The following DOK4 variants were observed in gnomAD, a reference collection of about 807,000 sequenced individuals.
DOK4 encodes docking protein 4.
A neutral mutation model predicts 40.1 loss-of-function variants in DOK4; 26 were observed. The observed-to-expected ratio is 0.65, with a 90% confidence interval of 0.48 to 0.90. The LOEUF (loss-of-function observed/expected upper bound fraction) is 0.90, where lower values mean the gene tolerates loss of function less well. Among genes scored for constraint, DOK4 ranks in the 40% least tolerant of loss-of-function variants. DOK4 has a pLI of 0.00. For missense variants in DOK4, 392 were observed against 437.2 expected (o/e 0.90, Z 0.92); for synonymous variants, 179 against 177.0 (o/e 1.01, Z -0.09).
rs739813 is a variant in DOK4 at position 57,479,164 on chromosome 16, C to T, written c.66+278G>A. On this transcript the variant is annotated intron_variant, in intron 2 of 8. Coordinates refer to ENST00000340099, the Ensembl canonical transcript of DOK4. The surrounding 1 kb of genome is among the most constrained non-coding windows in gnomAD (Gnocchi z 5.8). ...AACTTCAACAATAGCAGGGGAGCCG[C>T]CTGCCCATCGGTGGCCACCATTGCT... Among the ~76,000 whole-genome samples the T allele has an allele frequency of 0.18, 28,023 of 152,208 alleles. 4,972 individuals carry two copies. Among genetic ancestry groups the T allele is most frequent in the African/African-American group, 0.47 (19,295 of 41,470 alleles).
chr16:57,475,679 TC>T, intron 3 of DOK4, 59 bp from the exon 4 acceptor site: 1 of 862,814 alleles, frequency 1.2e-6, no homozygotes, highest in Non-Finnish European at 1.8e-6. Context: ...TCTCTCTCTC[TC>T]TCTCTCTCTC....
chr16:57,477,072 T>G (rs1321683711), intron 2 of DOK4, among the ~76,000 whole-genome samples: 1 of 152,178 alleles, frequency 6.6e-6, no homozygotes, highest in East Asian at 1.9e-4. Context: ...TTCCTCTTAC[T>G]GGAAACAGTA....
At chr16:57,476,966 T>C (rs1385177828) in intron 2 of DOK4, among the ~76,000 whole-genome samples, 1 of 152,216 alleles carries the variant, frequency 6.6e-6, no homozygotes, top group Non-Finnish European at 1.5e-5. Flanking sequence ...CTGCCTAGAC[T>C]TTTTTCTGCC....
In DOK4 at chr16:57,473,740, T is replaced by TG. The variant is rs748608464; in HGVS notation, c.739-5dup. 3 of 1,607,880 alleles carry TG rather than the reference T, an allele frequency of 1.9e-6. No homozygotes were observed. Among genetic ancestry groups the TG allele is most frequent in the South Asian group, 2.2e-5 (2 of 90,470 alleles). Reference sequence around the variant, plus strand: ...GTTCCGTGCCCTTGTTCAGCAGCTGTGGGGCAAAGGAAGGGGTCACTCCCA... The same window carrying TG: ...GTTCCGTGCCCTTGTTCAGCAGCTGTGGGGGCAAAGGAAGGGGTCACTCCCA... On this transcript the variant is annotated splice_polypyrimidine_tract_variant and splice_region_variant and intron_variant, in intron 7 of 8. Transcript: ENST00000340099.
At chr16:57,473,861 C>T in intron 7 of DOK4, 40 bp downstream of exon 7, 2 of 1,568,898 alleles carry the variant, frequency 1.3e-6, no homozygotes, top group Admixed American at 1.8e-5. Flanking sequence ...CGCCCGTTCC[C>T]CCCTCCCCCC....
rs1440237259 is a variant in DOK4 at position 57,485,740 on chromosome 16, G to A, written c.-182+565C>T. On this transcript the variant is annotated intron_variant, in intron 1 of 8. Coordinates refer to ENST00000340099, the Ensembl canonical transcript of DOK4. The surrounding 1 kb of genome is among the most constrained non-coding windows in gnomAD (Gnocchi z 4.3). ...GATCTAGGGCCTTGCGGGCCCTGGG[G>A]GAGAAGGTGGACAGGACCTTGGGGG... 1.3e-5 allele frequency among the ~76,000 whole-genome samples: 2 copies of A among 152,210 alleles called. No homozygotes were observed. The highest frequency in any genetic ancestry group is 1.3e-4 in the Admixed American group (2 of 15,284).
At chr16:57,473,278 G>A in exon 9 of DOK4, 2 of 1,473,494 alleles carry the variant, frequency 1.4e-6, no homozygotes, top group Non-Finnish European at 9.0e-7. Flanking sequence ...CTTTCTCCAG[G>A]CTCTTGGCCG....
intron 6 of DOK4, 127 bp downstream of exon 6, chr16:57,474,666 T>G: frequency 8.3e-7 from 1 of 1,203,056 alleles, no homozygotes. Context: ...ATGGGAACAT[T>G]ACATTCCCCC....
chr16:57,475,754 TTCTCCCCTCTCTCCCTC>T (rs1250439531), intron 3 of DOK4, 79 bp downstream of exon 3: 36 of 680,706 alleles, frequency 5.3e-5, no homozygotes, highest in Non-Finnish European at 7.0e-5. Flanking sequence ...CTCTCCCCCT[TTCTCCCCTCTCTCCCTC>T]TCTCCCCTCT....
rs1296802190 is a variant in DOK4, at chr16:57,485,885, C to G, written c.-182+420G>C. On this transcript the variant is annotated intron_variant, in intron 1 of 8. Coordinates refer to ENST00000340099, the Ensembl canonical transcript of DOK4. This position sits in a 1 kb window ranked among gnomAD's most constrained non-coding sequence, Gnocchi z 4.3. Reference sequence around the variant, plus strand: ...CCAGCTGGGGTACAGAAAATCATCTCTTGGAATTTGGAGGAGGTGAGCGAA... The same window carrying G: ...CCAGCTGGGGTACAGAAAATCATCTGTTGGAATTTGGAGGAGGTGAGCGAA... 5.9e-5 allele frequency among the ~76,000 whole-genome samples: 9 copies of G among 152,114 alleles called. No homozygotes were observed. Among genetic ancestry groups the G allele is most frequent in the African/African-American group, 2.2e-4 (9 of 41,418 alleles).
rs771067924 is a variant in DOK4, at chr16:57,474,985, G to C, written c.410-3C>G. 2 of 1,605,346 alleles carry C rather than the reference G, an allele frequency of 1.2e-6. No homozygotes were observed. Among genetic ancestry groups the C allele is most frequent in the South Asian group, 2.2e-5 (2 of 90,092 alleles). On this transcript the variant is annotated splice_polypyrimidine_tract_variant and splice_region_variant and intron_variant, in intron 5 of 8. Transcript: ENST00000340099. Reference sequence around the variant, plus strand: ...CAGCAGGAAGACATTGAAGCGATCTGGAGTGGGGGAGGGTGGACAAGTGGG... The same window carrying C: ...CAGCAGGAAGACATTGAAGCGATCTCGAGTGGGGGAGGGTGGACAAGTGGG...
chr16:57,483,883 A>C (rs2031478409), intron 1 of DOK4: 1 of 152,288 alleles, frequency 6.6e-6, no homozygotes, highest in Non-Finnish European at 1.5e-5. Context: ...CCAGTGAGGG[A>C]GGAGGGGAGC....
exon 3 of DOK4, chr16:57,475,951 G>A (rs769448574): frequency 3.1e-6 from 5 of 1,612,518 alleles, no homozygotes; most frequent in Non-Finnish European, 1.7e-6. Flanking sequence ...CAGCACCTCC[G>A]GTAGATCTGT....
rs761286475 is a variant in DOK4 at position 57,473,856 on chromosome 16, G to A, written c.738+45C>T. The A allele has an allele frequency of 1.7e-5, 27 of 1,569,110 alleles. No homozygotes were observed. In the East Asian group the frequency reaches 2.3e-4, roughly 13 times the overall value. The stretch of plus-strand genomic sequence containing the variant: ...GGCACTTGGCCCTGCCTGCCCGCCC[G>A]TTCCCCCCTCCCCCCGTACCCTGGA... On this transcript the variant is annotated intron_variant, in intron 7 of 8. Coordinates refer to ENST00000340099, the Ensembl canonical transcript of DOK4.
chr16:57,474,905 T>C, exon 6 of DOK4: 5 of 1,614,036 alleles, frequency 3.1e-6, no homozygotes, highest in Non-Finnish European at 4.2e-6. Flanking sequence ...AGGTAGATGT[T>C]CTCGTGGGTG....
exon 9 of DOK4, chr16:57,473,406 T>C (rs2030968354): frequency 6.2e-7 from 1 of 1,613,976 alleles, no homozygotes; most frequent in South Asian, 1.1e-5. Flanking sequence ...GCCTCACTGC[T>C]GTCCCCCTGG....
chr16:57,475,691 T>TCTCTCTCC (rs2031132283), intron 3 of DOK4, 71 bp from the exon 4 acceptor site: 1 of 830,594 alleles, frequency 1.2e-6, no homozygotes, highest in Non-Finnish European at 1.8e-6. Context: ...TCTCTCTCTC[T>TCTCTCTCC]CTCTCCCTCC....
At chr16:57,483,441 G>A (rs943241757) in intron 1 of DOK4, among the ~76,000 whole-genome samples, 4 of 151,942 alleles carry the variant, frequency 2.6e-5, no homozygotes, top group African/African-American at 4.8e-5. Flanking sequence ...GACCAGATCC[G>A]GCAACATAGA....
rs768122500 is a variant in DOK4 at position 57,475,833 on chromosome 16, GGCCCA to G, written c.174+12_174+16del. 2.1e-5 allele frequency: 34 copies of G among 1,605,142 alleles called. No individual in the cohort carries two copies. In the East Asian group the frequency reaches 7.7e-4, roughly 36 times the overall value. On this transcript the variant is annotated intron_variant, in intron 3 of 8. Coordinates refer to ENST00000340099, the Ensembl canonical transcript of DOK4. ...CAGCCCTGCCACTTGGGGGAGCTAG[GGCCCA>G]GGCCTCCTAACCTTGGGGCAGCCCC...
Sources: gnomAD v4.1 joint callset for allele counts (sites outside exome capture counted in the v4.1 genomes callset) on GRCh38, gnomAD v4.1.1 for gene constraint, Gnocchi (gnomAD v3.1) non-coding constraint, MANE v1.5 for transcripts, NCBI Gene and HGNC (gene_info 2026-07-23, HGNC 2026-07-21) for gene names.